Variants in ABCB1 observed in about 807,000 individuals in gnomAD.
ABCB1 encodes the protein ATP binding cassette subfamily B member 1.
ABCB1 carries 69 observed loss-of-function variants against 142.0 expected under a neutral mutation model. The ratio of observed to expected loss-of-function variants is 0.49; its 90% CI spans 0.40 to 0.59. The LOEUF (loss-of-function observed/expected upper bound fraction) is 0.59, where lower values mean the gene tolerates loss of function less well. ABCB1 is among the 20% of genes least tolerant of loss of function. The pLI, the probability that ABCB1 is intolerant of heterozygous loss-of-function variation, is 0.00. For missense variants in ABCB1, 1,326 were observed against 1,554.7 expected (o/e 0.85, Z 2.47); for synonymous variants, 532 against 539.2 (o/e 0.99, Z 0.18).
chr7:87,672,452 G>T (rs1310063308), intron 1 of ABCB1, among the ~76,000 whole-genome samples: 1 of 152,126 alleles, frequency 6.6e-6, no homozygotes, highest in Non-Finnish European at 1.5e-5. Context: ...AGAATTCCAA[G>T]CCAGTGGGTC....
intron 1 of ABCB1, among the ~76,000 whole-genome samples, chr7:87,609,979 G>C (rs1819792538): frequency 6.6e-6 from 1 of 152,160 alleles, no homozygotes; most frequent in Non-Finnish European, 1.5e-5. Context: ...GAGGCTAACG[G>C]TAGTGTAGAA....
intron 23 of ABCB1, 147 bp from the exon 24 acceptor site, chr7:87,516,812 C>T: frequency 1.2e-6 from 1 of 824,644 alleles, no homozygotes; most frequent in South Asian, 1.7e-5. Flanking sequence ...TCAGAGCTCA[C>T]TAAAGATATG....
intron 1 of ABCB1, among the ~76,000 whole-genome samples, chr7:87,712,730 A>C (rs1830198117): frequency 6.6e-6 from 1 of 152,120 alleles, no homozygotes; most frequent in Non-Finnish European, 1.5e-5. Context: ...AGCTCTAAAA[A>C]AGTACATGAA....
At chr7:87,673,227 A>G (rs1826005448) in intron 1 of ABCB1, among the ~76,000 whole-genome samples, 1 of 152,176 alleles carries the variant, frequency 6.6e-6, no homozygotes, top group South Asian at 2.1e-4. Flanking sequence ...AGTATTTTGC[A>G]GGATTCTCTG....
intron 1 of ABCB1, among the ~76,000 whole-genome samples, chr7:87,640,221 T>C (rs1350586686): frequency 6.7e-6 from 1 of 150,200 alleles, no homozygotes; most frequent in Admixed American, 6.7e-5. Flanking sequence ...AAATCTTACA[T>C]TATTTTATTA....
rs141255866 is a variant in ABCB1 at position 87,509,789 on chromosome 7, T to C, written c.3283-308A>G. On this transcript the variant is annotated intron_variant, in intron 25 of 27. Transcript: ENST00000622132. Reference sequence around the variant, plus strand: ...GATCCTGTGAATGTGTTATGTTACATGGCAAAAAGAAACTAAAGTAGTAGA... The same window carrying C: ...GATCCTGTGAATGTGTTATGTTACACGGCAAAAAGAAACTAAAGTAGTAGA... Among the ~76,000 whole-genome samples, 329 of 152,292 alleles carry C rather than the reference T, an allele frequency of 2.2e-3. 1 individual carries two copies. Among genetic ancestry groups the C allele is most frequent in the Non-Finnish European group, 3.6e-3 (247 of 68,022 alleles).
In ABCB1 at chr7:87,509,335, T is replaced by C; in HGVS notation, c.3429A>G (p.Glu1143=). The change falls in exon 26 of 28, where the codon GAA becomes GAG. Residue 1143 remains glutamate, a synonymous_variant. Coordinates refer to ENST00000622132, the MANE Select transcript of ABCB1 (RefSeq NM_001348946.2). ...YGDNSRVVSQ[E]EIVRAAKEAN... is the part of the protein sequence containing the mutation. Reference sequence around the variant, plus strand: ...CCTCCTTTGCTGCCCTCACAATCTCTTCCTGTGACACCACCCGGCTGTTGT... The same window carrying C: ...CCTCCTTTGCTGCCCTCACAATCTCCTCCTGTGACACCACCCGGCTGTTGT... 6.2e-7 allele frequency: 1 copy of C among 1,614,106 alleles called. No individual in the cohort carries two copies. The highest frequency in any genetic ancestry group is 8.5e-7 in the Non-Finnish European group (1 of 1,179,980).
intron 1 of ABCB1, among the ~76,000 whole-genome samples, chr7:87,677,336 A>T (rs1190557024): frequency 1.0e-4 from 12 of 115,372 alleles, no homozygotes; most frequent in South Asian, 2.4e-4. Context: ...TTTCAGATTT[A>T]AAAAAAAAAA....
At chr7:87,566,551 A>G (rs1390120252) in intron 6 of ABCB1, among the ~76,000 whole-genome samples, 1 of 152,204 alleles carries the variant, frequency 6.6e-6, no homozygotes, top group Non-Finnish European at 1.5e-5. Flanking sequence ...GGATTTCTTC[A>G]TTCTGGCAAA....
At chr7:87,514,330 G>A (rs1815139715) in intron 25 of ABCB1, among the ~76,000 whole-genome samples, 1 of 152,100 alleles carries the variant, frequency 6.6e-6, no homozygotes, top group Admixed American at 6.5e-5. Context: ...CCTACATAAT[G>A]AAAATGTCTT....
At chr7:87,593,292 T>C (rs751759715) in intron 3 of ABCB1, among the ~76,000 whole-genome samples, 5 of 152,244 alleles carry the variant, frequency 3.3e-5, no homozygotes, top group Admixed American at 2.0e-4. Context: ...ATGTGTCACA[T>C]TTCCTCACTT....
At chr7:87,683,716 G>A (rs1019490693) in intron 1 of ABCB1, among the ~76,000 whole-genome samples, 1 of 152,098 alleles carries the variant, frequency 6.6e-6, no homozygotes, top group Non-Finnish European at 1.5e-5. Context: ...CAATAATAAT[G>A]AAAAAGTTTG....
intron 21 of ABCB1, among the ~76,000 whole-genome samples, chr7:87,529,082 A>C (rs1367121574): frequency 6.6e-6 from 1 of 152,208 alleles, no homozygotes; most frequent in Non-Finnish European, 1.5e-5. Flanking sequence ...TGGCATTATT[A>C]GATTTTTATT....
chr7:87,664,234 G>A (rs1450451752), intron 1 of ABCB1, among the ~76,000 whole-genome samples: 1 of 152,114 alleles, frequency 6.6e-6, no homozygotes. Flanking sequence ...GCTGAGGCAG[G>A]AGGGTCACTT....
chr7:87,624,482 G>GAGA (rs1297676671), intron 1 of ABCB1, among the ~76,000 whole-genome samples: 2 of 152,150 alleles, frequency 1.3e-5, no homozygotes, highest in South Asian at 2.1e-4. Context: ...CTGTTTCGAT[G>GAGA]AGAAGAAGGA....
intron 1 of ABCB1, among the ~76,000 whole-genome samples, chr7:87,708,644 T>C (rs948633064): frequency 6.6e-6 from 1 of 152,152 alleles, no homozygotes; most frequent in Non-Finnish European, 1.5e-5. Context: ...CTTTTTTTTC[T>C]TTTTTTAAAC....
chr7:87,531,623 A>G, intron 20 of ABCB1, 126 bp from the exon 21 acceptor site: 1 of 857,754 alleles, frequency 1.2e-6, no homozygotes. Context: ...CTAAAAAGTA[A>G]AGGTCTACTT....
intron 1 of ABCB1, among the ~76,000 whole-genome samples, chr7:87,627,300 C>G (rs1820722383): frequency 6.6e-6 from 1 of 152,112 alleles, no homozygotes; most frequent in Non-Finnish European, 1.5e-5. Flanking sequence ...GATAGCCACA[C>G]AAAACTATAT....
At chr7:87,584,292 A>G (rs754615857) in intron 4 of ABCB1, among the ~76,000 whole-genome samples, 8 of 152,208 alleles carry the variant, frequency 5.3e-5, no homozygotes, top group Non-Finnish European at 8.8e-5. Context: ...ATTCATGTGC[A>G]TGTTTCTGGG....
Sources: allele counts gnomAD v4.1 joint callset (sites outside exome capture counted in the v4.1 genomes callset), GRCh38; gene constraint gnomAD v4.1.1; transcripts MANE v1.5; gene names NCBI Gene and HGNC (gene_info 2026-07-23, HGNC 2026-07-21).